Variants in TRPS1 observed in about 807,000 individuals in gnomAD.
The protein encoded by TRPS1 is zinc finger transcription factor Trps1.
TRPS1 carries 6 observed loss-of-function variants against 101.2 expected under a neutral mutation model. That is an observed-to-expected ratio of 0.06 (90% CI 0.03 to 0.12). The LOEUF (loss-of-function observed/expected upper bound fraction) is 0.12, where lower values mean the gene tolerates loss of function less well. Ranked by LOEUF, TRPS1 falls within the 10% of genes least tolerant of loss-of-function variation. The probability of loss-of-function intolerance (pLI) is 1.00; values close to 1 mark genes in which losing one functional copy is unlikely to be tolerated. For synonymous variants in TRPS1, 578 were observed against 589.8 expected, an observed-to-expected ratio of 0.98 and a Z score of 0.29; for missense variants, 1,363 against 1,567.0, an observed-to-expected ratio of 0.87 and a Z score of 2.20.
At chr8:115,653,130 A>G (rs1198534105) in intron 1 of TRPS1, among the ~76,000 whole-genome samples, 1 of 152,210 alleles carries the variant, frequency 6.6e-6, no homozygotes, top group Admixed American at 6.5e-5. Context: ...AAAGGTTCCA[A>G]TCTCTCAAAG....
At position 115,410,907 on chromosome 8, in the gene TRPS1, TTCCGTACCATAA is replaced by T. The variant is rs1218905859; in HGVS notation, c.*3104_*3115del. The T allele has an allele frequency of 1.3e-5, 2 of 151,920 alleles. No individual in the cohort carries two copies. Among genetic ancestry groups the T allele is most frequent in the Non-Finnish European group, 2.9e-5 (2 of 67,958 alleles). The allele number at this position is 151,920 out of a possible 1,614,324, so 9.4% of individuals were successfully genotyped here. On this transcript the variant is annotated 3_prime_UTR_variant, in exon 7 of 7. Coordinates refer to ENST00000395715, the MANE Select transcript of TRPS1 (RefSeq NM_014112.5). ...TCATGAAATTCCTCATTAAAAAAAGTTCCGTACCATAATAGCTCGTTTAAAATCACAATTTAA... is the reference window on the plus strand; with the variant it reads ...TCATGAAATTCCTCATTAAAAAAAGTTAGCTCGTTTAAAATCACAATTTAA...
intron 2 of TRPS1, 29 bp downstream of exon 2, chr8:115,623,572 A>G (rs751268003): frequency 9.3e-6 from 15 of 1,610,490 alleles, no homozygotes; most frequent in Middle Eastern, 1.6e-4. Flanking sequence ...TCCAGTTAAC[A>G]TTTTCACTTG....
intron 5 of TRPS1, among the ~76,000 whole-genome samples, chr8:115,516,574 A>G (rs1815717879): frequency 6.6e-6 from 1 of 151,652 alleles, no homozygotes. Context: ...AAAACAAGTA[A>G]AACAGGATTT....
intron 5 of TRPS1, among the ~76,000 whole-genome samples, chr8:115,455,872 C>T (rs1814008609): frequency 6.7e-6 from 1 of 150,054 alleles, no homozygotes; most frequent in African/African-American, 2.5e-5. Context: ...GCAAGCTCCA[C>T]CTCCTGGGTT....
chr8:115,519,779 A>G (rs957930004), intron 5 of TRPS1, among the ~76,000 whole-genome samples: 2 of 151,724 alleles, frequency 1.3e-5, no homozygotes, highest in African/African-American at 4.8e-5. Context: ...TGTATTTACT[A>G]AAAACATAAG....
At chr8:115,667,804 C>G in intron 1 of TRPS1, 1 of 1,528,362 alleles carries the variant, frequency 6.5e-7, no homozygotes, top group Non-Finnish European at 8.8e-7. Flanking sequence ...GTGCTGTTTT[C>G]CCACTTTGGA....
chr8:115,444,038 A>T (rs1182836161), intron 5 of TRPS1, among the ~76,000 whole-genome samples: 2 of 152,200 alleles, frequency 1.3e-5, no homozygotes, highest in Non-Finnish European at 2.9e-5. Context: ...AAAGCAACCT[A>T]GGGCTCTCAC....
chr8:115,463,303 T>G (rs1563749390), intron 5 of TRPS1, among the ~76,000 whole-genome samples: 1 of 152,160 alleles, frequency 6.6e-6, no homozygotes, highest in Non-Finnish European at 1.5e-5. Flanking sequence ...AGCCTGTACA[T>G]AAAAATTAAA....
chr8:115,651,513 C>G (rs1233777629), intron 1 of TRPS1, among the ~76,000 whole-genome samples: 1 of 152,176 alleles, frequency 6.6e-6, no homozygotes, highest in Non-Finnish European at 1.5e-5. Flanking sequence ...CCCCTATGTT[C>G]CTATTTAATG....
chr8:115,451,338 G>C (rs1345304462), intron 5 of TRPS1, among the ~76,000 whole-genome samples: 1 of 149,822 alleles, frequency 6.7e-6, no homozygotes, highest in Non-Finnish European at 1.5e-5. Flanking sequence ...TTTTTTCAAT[G>C]AGTATTTTCT....
intron 5 of TRPS1, among the ~76,000 whole-genome samples, chr8:115,572,157 C>T (rs1018705536): frequency 7.9e-5 from 12 of 152,060 alleles, no homozygotes; most frequent in South Asian, 2.1e-4. Flanking sequence ...CTATCAATTA[C>T]GAAAAGACTT....
At position 115,604,480 on chromosome 8, in the gene TRPS1, T is replaced by C. The variant is rs1817986285; in HGVS notation, c.1489A>G (p.Asn497Asp). ...CCTTCTGAACTTTTGGCTAGATCATTCTGATTAATGACAGAGCCCCTGGAA... is the reference window on the plus strand; with the variant it reads ...CCTTCTGAACTTTTGGCTAGATCATCCTGATTAATGACAGAGCCCCTGGAA... Reference protein sequence around the residue: ...KLSRGSVINQNDLAKSSEGET... With the variant: ...KLSRGSVINQDDLAKSSEGET... The change falls in exon 4 of 7, where the codon AAT (asparagine) becomes GAT (aspartate). Residue 497 changes from asparagine (N) to aspartate (D), a missense_variant. Around this residue, in one of 5 missense-constraint regions of TRPS1, gnomAD observed 1,020 missense variants for 1,073.0 expected, o/e 0.95. Coordinates refer to ENST00000395715, the MANE Select transcript of TRPS1 (RefSeq NM_014112.5). This position sits in a 1 kb window ranked among gnomAD's most constrained non-coding sequence, Gnocchi z 4.1. 6.2e-7 allele frequency: 1 copy of C among 1,614,146 alleles called. No homozygotes were observed. The highest frequency in any genetic ancestry group is 8.5e-7 in the Non-Finnish European group (1 of 1,180,006).
At position 115,506,122 on chromosome 8, in the gene TRPS1, C is replaced by T. The variant is rs184999024; in HGVS notation, c.2700+80879G>A. Among the ~76,000 whole-genome samples the T allele has an allele frequency of 1.4e-4, 21 of 151,596 alleles. No individual in the cohort carries two copies. In the East Asian group the frequency reaches 2.5e-3, roughly 18 times the overall value. On this transcript the variant is annotated intron_variant, in intron 5 of 6. Transcript: ENST00000395715. ...TAATGAACTACAAAGATTTATATGA[C>T]GCTACTCACAGGTTTCTAAAAGTTA... is the stretch of plus-strand genomic sequence containing the variant.
intron 5 of TRPS1, among the ~76,000 whole-genome samples, chr8:115,533,009 G>C (rs1011559839): frequency 2.0e-5 from 3 of 152,142 alleles, no homozygotes; most frequent in African/African-American, 7.2e-5. Flanking sequence ...TTAGAAAAGA[G>C]AACACGGTCT....
At chr8:115,472,384 C>T (rs1336013917) in intron 5 of TRPS1, among the ~76,000 whole-genome samples, 1 of 152,162 alleles carries the variant, frequency 6.6e-6, no homozygotes, top group African/African-American at 2.4e-5. Context: ...CACAGGTCAG[C>T]AAGTCTTGAG....
At chr8:115,443,154 C>T (rs1490402326) in intron 5 of TRPS1, among the ~76,000 whole-genome samples, 1 of 151,802 alleles carries the variant, frequency 6.6e-6, no homozygotes, top group Non-Finnish European at 1.5e-5. Flanking sequence ...CCTGTAGTCC[C>T]AGCTACTTGG....
intron 5 of TRPS1, among the ~76,000 whole-genome samples, chr8:115,514,132 A>G (rs1442845741): frequency 2.6e-5 from 4 of 151,746 alleles, no homozygotes; most frequent in African/African-American, 7.2e-5. Flanking sequence ...TCTTCTCCCA[A>G]TAACTGAGAG....
intron 1 of TRPS1, chr8:115,667,935 G>C: frequency 1.3e-6 from 2 of 1,535,212 alleles, no homozygotes; most frequent in Non-Finnish European, 1.7e-6. Flanking sequence ...AAAACTTGCA[G>C]TGGCGGCGGC....
chr8:115,512,753 T>A (rs1815616653), intron 5 of TRPS1, among the ~76,000 whole-genome samples: 1 of 151,872 alleles, frequency 6.6e-6, no homozygotes, highest in East Asian at 1.9e-4. Flanking sequence ...CATAAATATA[T>A]GGTCATGTAA....
Sources: gnomAD v4.1 joint callset for allele counts (sites outside exome capture counted in the v4.1 genomes callset) on GRCh38, gnomAD v4.1.1 for gene constraint, gnomAD v4.1.1 regional missense constraint, Gnocchi (gnomAD v3.1) non-coding constraint, MANE v1.5 for transcripts, NCBI Gene and HGNC (gene_info 2026-07-23, HGNC 2026-07-21) for gene names.